Variants in RGS6 observed in about 807,000 individuals in gnomAD.
RGS6 encodes regulator of G-protein signaling 6.
RGS6 carries 30 observed loss-of-function variants against 78.5 expected under a neutral mutation model. That is an observed-to-expected ratio of 0.38 (90% CI 0.29 to 0.52). RGS6 has a LOEUF of 0.52. Among genes scored for constraint, RGS6 ranks in the 20% least tolerant of loss-of-function variants. The pLI is 0.85. For synonymous variants in RGS6, 206 were observed against 206.0 expected (o/e 1.00, Z 0.00); for missense variants, 495 against 609.7 (o/e 0.81, Z 1.98).
At chr14:72,540,472 T>A in intron 17 of RGS6, 19 of 1,476,508 alleles carry the variant, frequency 1.3e-5, no homozygotes, top group African/African-American at 1.5e-5. Flanking sequence ...ATAAATTGGC[T>A]CAGAACCATA....
chr14:72,536,170 TCA>T lies in RGS6; in HGVS notation c.1279-14_1279-13del. 2.5e-6 allele frequency: 4 copies of T among 1,601,510 alleles called. No homozygotes were observed. The highest frequency in any genetic ancestry group is 3.4e-6 in the Non-Finnish European group (4 of 1,168,804). ...GACAGCCCTTCCTTGTGTCTCCTTG[TCA>T]CCTTCCTCCCCAGGAGCACATCTAC... On this transcript the variant is annotated splice_polypyrimidine_tract_variant and intron_variant, in intron 15 of 17. Coordinates refer to ENST00000553525, the MANE Select transcript of RGS6 (RefSeq NM_001204424.2).
chr14:72,571,706 A>T, the RGS6 span, among the ~76,000 whole-genome samples: 1 of 152,240 alleles, frequency 6.6e-6, no homozygotes, highest in Non-Finnish European at 1.5e-5. Flanking sequence ...ATACTATCAC[A>T]CTGTTAGAAG....
At chr14:71,910,378 C>G in the RGS6 span, among the ~76,000 whole-genome samples, 10 of 152,254 alleles carry the variant, frequency 6.6e-5, no homozygotes, top group East Asian at 1.9e-3. Context: ...GTTTACCTTC[C>G]CATAGTTTCC....
intron 2 of RGS6, among the ~76,000 whole-genome samples, chr14:72,259,213 G>T (rs1405215273): frequency 6.6e-6 from 1 of 152,160 alleles, no homozygotes; most frequent in African/African-American, 2.4e-5. Context: ...ACATTTAAAA[G>T]AATCAGATTT....
chr14:72,111,710 A>G (rs2095766983), intron 2 of RGS6, among the ~76,000 whole-genome samples: 1 of 152,176 alleles, frequency 6.6e-6, no homozygotes, highest in Non-Finnish European at 1.5e-5. Context: ...CAAGAAGACC[A>G]CATTTGTATA....
chr14:72,502,336 A>G (rs755469344), intron 13 of RGS6, among the ~76,000 whole-genome samples: 1 of 152,208 alleles, frequency 6.6e-6, no homozygotes, highest in Non-Finnish European at 1.5e-5. Context: ...CCCCACCTCC[A>G]GCTGCCATCC....
chr14:72,556,670 G>A (rs1232525884), intron 17 of RGS6, among the ~76,000 whole-genome samples: 6 of 125,982 alleles, frequency 4.8e-5, no homozygotes, highest in African/African-American at 1.9e-4. Flanking sequence ...CTGTACATGA[G>A]AAGGTAGGGG....
chr14:72,296,780 A>G (rs1357510732), intron 2 of RGS6, among the ~76,000 whole-genome samples: 2 of 152,094 alleles, frequency 1.3e-5, no homozygotes, highest in Non-Finnish European at 2.9e-5. Context: ...TGAGTTTTAA[A>G]TTTTGCAGTT....
chr14:71,879,088 C>T, the RGS6 span, among the ~76,000 whole-genome samples: 1 of 151,890 alleles, frequency 6.6e-6, no homozygotes, highest in African/African-American at 2.4e-5. Context: ...ATATGCTGAT[C>T]CCGATGTTTA....
intron 2 of RGS6, among the ~76,000 whole-genome samples, chr14:72,230,095 A>C (rs181045178): frequency 6.6e-6 from 1 of 152,260 alleles, no homozygotes; most frequent in Non-Finnish European, 1.5e-5. Context: ...TGTCTGGCTT[A>C]GTAGAACCAG....
At chr14:71,990,616 A>G (rs1254029809) in intron 2 of RGS6, 1 of 455,818 alleles carries the variant, frequency 2.2e-6, no homozygotes, top group Non-Finnish European at 4.4e-6. Context: ...ATCTCTGCAT[A>G]TTCCTTCTTC....
intron 9 of RGS6, chr14:72,473,867 ATG>A (rs1166175685): frequency 2.0e-5 from 3 of 152,238 alleles, no homozygotes; most frequent in African/African-American, 7.2e-5. Context: ...TCATGCCTGC[ATG>A]TTTATTTCCT....
intron 2 of RGS6, among the ~76,000 whole-genome samples, chr14:72,103,335 C>T (rs1002896718): frequency 6.6e-6 from 1 of 152,308 alleles, no homozygotes; most frequent in Admixed American, 6.5e-5. Context: ...AAGCAAAACC[C>T]TCAGCCCCTT....
intron 3 of RGS6, among the ~76,000 whole-genome samples, chr14:72,419,254 T>A (rs775557375): frequency 3.2e-4 from 48 of 152,258 alleles, no homozygotes; most frequent in Non-Finnish European, 5.0e-4. Context: ...TTACACTGGG[T>A]ACTTTTTCAA....
At position 72,388,349 on chromosome 14, in the gene RGS6, C is replaced by G. The variant is rs1349397120; in HGVS notation, c.184+36155C>G. On this transcript the variant is annotated intron_variant, in intron 3 of 17. Coordinates refer to ENST00000553525, the MANE Select transcript of RGS6 (RefSeq NM_001204424.2). Reference sequence around the variant, plus strand: ...TGACCCAAATATGTGCTGATGAGATCAATGGACTGTGCTACTTATTGGTCC... The same window carrying G: ...TGACCCAAATATGTGCTGATGAGATGAATGGACTGTGCTACTTATTGGTCC... Among the ~76,000 whole-genome samples the G allele has an allele frequency of 2.6e-5, 4 of 152,194 alleles. No homozygotes were observed. In the South Asian group the frequency reaches 8.3e-4, roughly 32 times the overall value.
At chr14:71,879,235 G>A in the RGS6 span, among the ~76,000 whole-genome samples, 1 of 152,150 alleles carries the variant, frequency 6.6e-6, no homozygotes, top group African/African-American at 2.4e-5. Flanking sequence ...GTTCTTGAAG[G>A]TATAACAGTT....
At chr14:71,921,203 A>G in the RGS6 span, among the ~76,000 whole-genome samples, 13 of 152,226 alleles carry the variant, frequency 8.5e-5, no homozygotes, top group Admixed American at 5.9e-4. Context: ...ACAAAAAATA[A>G]GTGTTAGCAA....
At chr14:72,429,670 G>C (rs1466835533) in intron 3 of RGS6, among the ~76,000 whole-genome samples, 1 of 152,218 alleles carries the variant, frequency 6.6e-6, no homozygotes, top group Non-Finnish European at 1.5e-5. Context: ...CCATAGGATA[G>C]AAGTAGCCCA....
chr14:72,458,426 A>T, intron 5 of RGS6, 49 bp downstream of exon 5: 2 of 1,356,376 alleles, frequency 1.5e-6, no homozygotes, highest in East Asian at 4.6e-5. Flanking sequence ...TCACAACATC[A>T]TCTGATCTTA....
Sources: allele counts gnomAD v4.1 joint callset (sites outside exome capture counted in the v4.1 genomes callset), GRCh38; gene constraint gnomAD v4.1.1; transcripts MANE v1.5; gene names NCBI Gene and HGNC (gene_info 2026-07-23, HGNC 2026-07-21).